Variants in GRID2 observed in about 807,000 individuals in gnomAD.
GRID2 encodes the protein glutamate receptor ionotropic, delta-2.
Under a neutral mutation model 114.8 loss-of-function variants are expected in GRID2, and 33 were observed. That is an observed-to-expected ratio of 0.29 (90% CI 0.22 to 0.38). The LOEUF is 0.38. GRID2 is among the 10% of genes least tolerant of loss of function. The probability of loss-of-function intolerance (pLI) is 1.00; values close to 1 mark genes in which losing one functional copy is unlikely to be tolerated. For missense variants in GRID2, 1,184 were observed against 1,257.7 expected, an observed-to-expected ratio of 0.94 and a Z score of 0.89; for synonymous variants, 505 against 449.9, an observed-to-expected ratio of 1.12 and a Z score of -1.55.
intron 1 of GRID2, among the ~76,000 whole-genome samples, chr4:92,371,519 A>G (rs1345247554): frequency 2.6e-5 from 4 of 152,118 alleles, no homozygotes; most frequent in African/African-American, 9.7e-5. Context: ...AAATGGAACA[A>G]CAAAACCTGG....
intron 2 of GRID2, among the ~76,000 whole-genome samples, chr4:92,674,501 CT>C (rs1733236243): frequency 6.6e-6 from 1 of 151,988 alleles, no homozygotes; most frequent in Non-Finnish European, 1.5e-5. Context: ...ATTTTCATCT[CT>C]TTACCCATTT....
rs918343940 is a variant in GRID2, at chr4:92,974,386, A to T, written c.245-110609A>T. On this transcript the variant is annotated intron_variant, in intron 2 of 15. Transcript: ENST00000282020. ...CATTCTACGATAAAGACACATGTAC[A>T]TGTATCTTTATTGTGGCACTGTTCA... Among the ~76,000 whole-genome samples, 3 of 152,144 alleles carry T rather than the reference A, an allele frequency of 2.0e-5. No individual in the cohort carries two copies. The East Asian group carries it at 5.8e-4, about 29-fold the overall frequency.
intron 12 of GRID2, among the ~76,000 whole-genome samples, chr4:93,509,861 G>T (rs913193310): frequency 2.0e-5 from 3 of 152,128 alleles, no homozygotes; most frequent in African/African-American, 7.2e-5. Context: ...CACTTTTTAT[G>T]CTGGAAAACT....
chr4:92,696,232 G>C (rs1483645835), intron 2 of GRID2, among the ~76,000 whole-genome samples: 1 of 152,032 alleles, frequency 6.6e-6, no homozygotes. Flanking sequence ...ACTTATTTCA[G>C]AGCCTTGGAG....
intron 1 of GRID2, among the ~76,000 whole-genome samples, chr4:92,511,371 A>G (rs992483063): frequency 2.0e-5 from 3 of 151,836 alleles, no homozygotes; most frequent in African/African-American, 7.3e-5. Flanking sequence ...CCATGATCCA[A>G]ATACCTCCCA....
Position 93,224,778 on chromosome 4 carries a change from A to G in GRID2, c.1125+3A>G. On this transcript the variant is annotated splice_donor_region_variant and intron_variant, in intron 7 of 15. Transcript: ENST00000282020. ...CCATGTTGGAGACCATCAAGAAGGT[A>G]ACTTCTTAATTTTCATGTAAAAAGG... 6.3e-7 allele frequency: 1 copy of G among 1,599,332 alleles called. No homozygotes were observed. The highest frequency in any genetic ancestry group is 2.2e-5 in the East Asian group (1 of 44,728).
intron 14 of GRID2, among the ~76,000 whole-genome samples, chr4:93,664,132 A>G (rs1200350825): frequency 2.6e-5 from 4 of 152,202 alleles, no homozygotes; most frequent in African/African-American, 4.8e-5. Context: ...ATTTCACACA[A>G]AGGGAACAGC....
chr4:92,619,563 C>T (rs1730169028), intron 2 of GRID2, among the ~76,000 whole-genome samples: 1 of 151,492 alleles, frequency 6.6e-6, no homozygotes, highest in Admixed American at 6.6e-5. Context: ...TTTGGCAATT[C>T]CCTGAGTATT....
chr4:92,339,709 T>G (rs1176093080), intron 1 of GRID2, among the ~76,000 whole-genome samples: 3 of 152,170 alleles, frequency 2.0e-5, no homozygotes, highest in African/African-American at 4.8e-5. Context: ...ATGCTACCAC[T>G]TTATTATTCT....
At chr4:92,525,241 TA>T (rs1724987039) in intron 1 of GRID2, among the ~76,000 whole-genome samples, 2 of 149,848 alleles carry the variant, frequency 1.3e-5, no homozygotes, top group South Asian at 4.3e-4. Flanking sequence ...CATTTGAATA[TA>T]AAAATCTTAG....
At position 93,774,277 on chromosome 4, in the gene GRID2, A is replaced by C. The variant is rs1734294983; in HGVS notation, c.*1779A>C. The C allele has an allele frequency of 2.0e-5, 3 of 152,108 alleles. No individual in the cohort carries two copies. The highest frequency in any genetic ancestry group is 4.4e-5 in the Non-Finnish European group (3 of 67,976). The allele number at this position is 152,108 out of a possible 1,614,324, so 9.4% of individuals were successfully genotyped here. The stretch of plus-strand genomic sequence containing the variant: ...GGGTAACAAGTAACTAAGTGCATGC[A>C]CAACTTGTTTTCCCTTGTAACATTC... On this transcript the variant is annotated 3_prime_UTR_variant, in exon 16 of 16. Coordinates refer to ENST00000282020, the MANE Select transcript of GRID2 (RefSeq NM_001510.4).
intron 2 of GRID2, among the ~76,000 whole-genome samples, chr4:92,779,856 T>C (rs780157641): frequency 6.6e-6 from 1 of 152,182 alleles, no homozygotes; most frequent in African/African-American, 2.4e-5. Context: ...GTATGCTTTG[T>C]TATTATTTTT....
At chr4:92,920,619 C>T (rs1749237153) in intron 2 of GRID2, among the ~76,000 whole-genome samples, 1 of 152,112 alleles carries the variant, frequency 6.6e-6, no homozygotes, top group South Asian at 2.1e-4. Context: ...CTTAGTTTGG[C>T]TGGATATGAA....
chr4:93,409,778 G>A (rs540353782), intron 9 of GRID2, among the ~76,000 whole-genome samples: 2 of 152,180 alleles, frequency 1.3e-5, no homozygotes, highest in African/African-American at 4.8e-5. Context: ...GAGGGCATTG[G>A]ATTCAAATTT....
chr4:93,265,736 G>T (rs1401355498), intron 8 of GRID2, among the ~76,000 whole-genome samples: 1 of 152,106 alleles, frequency 6.6e-6, no homozygotes, highest in Non-Finnish European at 1.5e-5. Context: ...CAGTGATTGT[G>T]GTGGTGAGTC....
chr4:92,740,000 C>A (rs1448801495), intron 2 of GRID2, among the ~76,000 whole-genome samples: 1 of 152,064 alleles, frequency 6.6e-6, no homozygotes, highest in East Asian at 1.9e-4. Flanking sequence ...TCCTTATATT[C>A]TTTTAAAAGT....
chr4:93,322,932 G>A (rs1198515741), intron 8 of GRID2, among the ~76,000 whole-genome samples: 1 of 152,118 alleles, frequency 6.6e-6, no homozygotes, highest in Non-Finnish European at 1.5e-5. Context: ...GTTCTTTGTA[G>A]ATTCTGGATA....
intron 2 of GRID2, among the ~76,000 whole-genome samples, chr4:92,808,582 T>C (rs961400655): frequency 8.5e-5 from 13 of 152,054 alleles, no homozygotes; most frequent in African/African-American, 3.1e-4. Context: ...AGTGAACTCA[T>C]TGTTTCTGCT....
chr4:93,744,958 C>A (rs891334188), intron 14 of GRID2, among the ~76,000 whole-genome samples: 6 of 152,082 alleles, frequency 3.9e-5, no homozygotes, highest in Non-Finnish European at 7.4e-5. Flanking sequence ...TCACAGAAAG[C>A]TCAGATTATT....
Sources: gnomAD v4.1 joint callset for allele counts (sites outside exome capture counted in the v4.1 genomes callset) on GRCh38, gnomAD v4.1.1 for gene constraint, MANE v1.5 for transcripts, NCBI Gene and HGNC (gene_info 2026-07-23, HGNC 2026-07-21) for gene names.